PIKFYVE: variants seen among roughly 807,000 people sequenced by gnomAD.
PIKFYVE encodes 1-phosphatidylinositol 3-phosphate 5-kinase.
In PIKFYVE, 122 loss-of-function variants were observed where a neutral mutation model predicts 257.9. That is an observed-to-expected ratio of 0.47 (90% CI 0.41 to 0.55). The LOEUF (loss-of-function observed/expected upper bound fraction) is 0.55. PIKFYVE is among the 20% of genes least tolerant of loss of function. PIKFYVE has a pLI of 0.00. For missense variants in PIKFYVE, 2,160 were observed against 2,536.6 expected, an observed-to-expected ratio of 0.85 and a Z score of 3.19; for synonymous variants, 892 against 868.9, an observed-to-expected ratio of 1.03 and a Z score of -0.47.
intron 12 of PIKFYVE, among the ~76,000 whole-genome samples, chr2:208,311,890 A>C (rs1032914192): frequency 6.6e-6 from 1 of 152,236 alleles, no homozygotes; most frequent in South Asian, 2.1e-4. Flanking sequence ...AAAGAACTGT[A>C]ATCTTTTAGG....
intron 39 of PIKFYVE, 99 bp downstream of exon 39, chr2:208,352,881 G>A: frequency 6.9e-7 from 1 of 1,448,272 alleles, no homozygotes; most frequent in East Asian, 2.4e-5. Context: ...TTATTTTATA[G>A]TAAATATTTA....
At position 208,335,861 on chromosome 2, in the gene PIKFYVE, CAA is replaced by C. The variant is rs1215560358; in HGVS notation, c.4326_4327del (p.Glu1444GlyfsTer16). The C allele has an allele frequency of 1.9e-5, 30 of 1,612,094 alleles. No individual in the cohort carries two copies. The highest frequency in any genetic ancestry group is 2.5e-5 in the Non-Finnish European group (29 of 1,179,010). ...TTGAAAACTGATACATTTAGTAAAA[CAA>C]GAGAGGAAAAAATGGAAGATATTTT... On this transcript the variant is annotated frameshift_variant, in exon 26 of 42. Coordinates refer to ENST00000264380, the MANE Select transcript of PIKFYVE (RefSeq NM_015040.4). LOFTEE classifies it high-confidence loss of function.
intron 7 of PIKFYVE, among the ~76,000 whole-genome samples, chr2:208,293,782 C>T (rs1404174483): frequency 6.6e-6 from 1 of 151,804 alleles, no homozygotes; most frequent in African/African-American, 2.4e-5. Context: ...TCCCAAAGTG[C>T]AGGGATTACA....
Position 208,351,417 on chromosome 2 carries a change from C to T in PIKFYVE, c.5677C>T (p.His1893Tyr). The T allele has an allele frequency of 6.2e-7, 1 of 1,613,204 alleles. No individual in the cohort carries two copies. Among genetic ancestry groups the T allele is most frequent in the Non-Finnish European group, 8.5e-7 (1 of 1,179,144 alleles). Reference sequence around the variant, plus strand: ...CCAGTCCTTCCTCGACTTTGCACCACATTACTTCAATTATATTACAAATGC... The same window carrying T: ...CCAGTCCTTCCTCGACTTTGCACCATATTACTTCAATTATATTACAAATGC... Reference protein sequence around the residue: ...EVQSFLDFAPHYFNYITNAVQ... With the variant: ...EVQSFLDFAPYYFNYITNAVQ... The change falls in exon 38 of 42, where the codon CAT becomes TAT. Residue 1893 changes from histidine (H) to tyrosine (Y), a missense_variant. By Grantham distance (83) the His-to-Tyr change is moderately conservative. Coordinates refer to ENST00000264380, the MANE Select transcript of PIKFYVE (RefSeq NM_015040.4).
chr2:208,317,030 C>G (rs1051120118), intron 15 of PIKFYVE, among the ~76,000 whole-genome samples: 6 of 150,490 alleles, frequency 4.0e-5, no homozygotes, highest in South Asian at 2.1e-4. Flanking sequence ...CATAAAAACC[C>G]TAGAAGAAAA....
intron 6 of PIKFYVE, among the ~76,000 whole-genome samples, chr2:208,286,687 AT>A (rs779100232): frequency 5.0e-3 from 702 of 139,844 alleles, no homozygotes; most frequent in Non-Finnish European, 4.8e-3. Context: ...TGCTTGGCTG[AT>A]TTTTTTTTTT....
intron 7 of PIKFYVE, among the ~76,000 whole-genome samples, chr2:208,295,974 T>A (rs978724962): frequency 6.6e-6 from 1 of 152,154 alleles, no homozygotes. Flanking sequence ...CTTTCCGTTG[T>A]TGGAGAGTTT....
At position 208,347,969 on chromosome 2, in the gene PIKFYVE, C is replaced by G; in HGVS notation, c.5320C>G (p.Gln1774Glu). The change falls in exon 35 of 42, where the codon CAG becomes GAG. Residue 1774 changes from glutamine (Q) to glutamate (E), a missense_variant. Gln to Glu is a conservative substitution (Grantham distance 29). This residue lies in a region of PIKFYVE where 699 missense variants were observed against 855.8 expected (regional missense o/e 0.82). Coordinates refer to ENST00000264380, the MANE Select transcript of PIKFYVE (RefSeq NM_015040.4). ...TLRGADSAYY[Q>E]VGQTGKEGTE... ...ACGTGGAGCAGATAGTGCTTACTACCAGGTTGGGCAGACGGGCAAGGAGGG... is the reference window on the plus strand; with the variant it reads ...ACGTGGAGCAGATAGTGCTTACTACGAGGTTGGGCAGACGGGCAAGGAGGG... 1 of 1,614,100 alleles carries G rather than the reference C, an allele frequency of 6.2e-7. No individual in the cohort carries two copies. The highest frequency in any genetic ancestry group is 1.7e-5 in the Admixed American group (1 of 60,020).
chr2:208,279,998 ATTTT>A (rs568341271), intron 5 of PIKFYVE, among the ~76,000 whole-genome samples: 15 of 151,932 alleles, frequency 9.9e-5, no homozygotes, highest in Admixed American at 9.8e-4. Context: ...TTTAAAATAC[ATTTT>A]TTTTACCTTT....
Position 208,320,275 on chromosome 2 carries a change from C to T in PIKFYVE, c.2106C>T (p.Pro702=), listed in dbSNP as rs10932259. 1,566,186 of 1,611,436 alleles carry T rather than the reference C, an allele frequency of 0.97. 762,579 individuals are homozygous for T. Among genetic ancestry groups the T allele is most frequent in the Non-Finnish European group, 0.98 (1,159,561 of 1,178,558 alleles). ...AGATGAGTTCTTGTATTAAAAACCC[C>T]AAAATTCTTCTGTTGAAGTGTTCCA... The part of the protein sequence containing the change: ...HKKMSSCIKN[P]KILLLKCSIE... The change falls in exon 17 of 42, where the codon CCC becomes CCT. Residue 702 remains proline (P), a synonymous_variant. Transcript: ENST00000264380.
chr2:208,281,069 T>C, intron 5 of PIKFYVE, among the ~76,000 whole-genome samples: 3 of 152,374 alleles, frequency 2.0e-5, no homozygotes, highest in African/African-American at 7.2e-5. Context: ...CAAAGCTCTT[T>C]AAGGATTCGG....
chr2:208,302,471 C>A, intron 10 of PIKFYVE, 118 bp downstream of exon 10: 1 of 1,028,634 alleles, frequency 9.7e-7, no homozygotes, highest in Non-Finnish European at 1.5e-6. Context: ...TTTTTTCCTG[C>A]TGTTTGAGGA....
intron 17 of PIKFYVE, among the ~76,000 whole-genome samples, chr2:208,323,629 A>G (rs1269210522): frequency 2.0e-5 from 3 of 152,152 alleles, no homozygotes; most frequent in Non-Finnish European, 4.4e-5. Flanking sequence ...TATACCCAGT[A>G]ATGGGATGGC....
chr2:208,315,840 A>AT (rs11411153), intron 15 of PIKFYVE, among the ~76,000 whole-genome samples: 136,348 of 147,850 alleles, frequency 0.92, 63,416 homozygotes, highest in Non-Finnish European at 0.98. Flanking sequence ...ATTTTTTGCG[A>AT]TTTTTTTTTT....
At chr2:208,268,594 TA>T (rs1234985550) in intron 1 of PIKFYVE, among the ~76,000 whole-genome samples, 3 of 149,794 alleles carry the variant, frequency 2.0e-5, no homozygotes, top group South Asian at 2.1e-4. Context: ...TTTTTTAATA[TA>T]AAAAAAACAC....
chr2:208,305,868 A>G (rs1694259328), intron 12 of PIKFYVE, among the ~76,000 whole-genome samples: 1 of 152,206 alleles, frequency 6.6e-6, no homozygotes, highest in Non-Finnish European at 1.5e-5. Flanking sequence ...TATTATAAAG[A>G]TGAAGCACTT....
chr2:208,326,010 C>A lies in PIKFYVE; in HGVS notation c.3199C>A (p.Leu1067Ile). 1 of 1,614,148 alleles carries A rather than the reference C, an allele frequency of 6.2e-7. No homozygotes were observed. Among genetic ancestry groups the A allele is most frequent in the Non-Finnish European group, 8.5e-7 (1 of 1,179,994 alleles). The change falls in exon 20 of 42, where the codon CTT becomes ATT. Residue 1067 changes from leucine (L) to isoleucine (I), a missense_variant. Coordinates refer to ENST00000264380, the MANE Select transcript of PIKFYVE (RefSeq NM_015040.4). ...SPVITFREPFLLTEKGMRCST... is the reference protein window; with the variant it reads ...SPVITFREPFILTEKGMRCST... ...AGTAATCACATTCCGAGAACCCTTT[C>A]TTTTAACTGAAAAGGGGATGAGATG...
rs1177791708 is a variant in PIKFYVE, at chr2:208,353,940, A to C, written c.5887A>C (p.Thr1963Pro). The C allele has an allele frequency of 6.2e-7, 1 of 1,613,944 alleles. No homozygotes were observed. The highest frequency in any genetic ancestry group is 8.5e-7 in the Non-Finnish European group (1 of 1,179,960). Residue 1963 changes from threonine (T) to proline (P), a missense_variant, in exon 40 of 42, where the codon ACT (threonine) becomes CCT (proline). Around this residue, in one of 12 missense-constraint regions of PIKFYVE, gnomAD observed 699 missense variants for 855.8 expected, o/e 0.82. Transcript: ENST00000264380. ...CTCTCTTAGGAATCGGAATGTAAAA[A>C]CTGACACTGGAAAAGAGAGTTGTGA... Reference protein sequence around the residue: ...KGSLRNRNVKTDTGKESCDVV... With the variant: ...KGSLRNRNVKPDTGKESCDVV...
At position 208,336,822 on chromosome 2, in the gene PIKFYVE, T is replaced by G; in HGVS notation, c.4521-16T>G. 2 of 1,564,984 alleles carry G rather than the reference T, an allele frequency of 1.3e-6. No homozygotes were observed. The highest frequency in any genetic ancestry group is 1.8e-6 in the Non-Finnish European group (2 of 1,136,252). ...AACAAACCATATATATATATATTTT[T>G]TGCTTTTGGCCACAGGTTGCAGGAC... On this transcript the variant is annotated splice_polypyrimidine_tract_variant and intron_variant, in intron 27 of 41. Transcript: ENST00000264380.
Sources: allele counts gnomAD v4.1 joint callset (sites outside exome capture counted in the v4.1 genomes callset), GRCh38; gene constraint gnomAD v4.1.1; regional missense constraint gnomAD v4.1.1; transcripts MANE v1.5; gene names NCBI Gene and HGNC (gene_info 2026-07-23, HGNC 2026-07-21).